Variants in DOCK2 observed in about 807,000 individuals in gnomAD.
DOCK2 encodes the protein dedicator of cytokinesis protein 2.
In DOCK2, 87 loss-of-function variants were observed where a neutral mutation model predicts 248.9. The ratio of observed to expected loss-of-function variants is 0.35; its 90% confidence interval spans 0.29 to 0.42. The LOEUF (loss-of-function observed/expected upper bound fraction) is 0.42. Among genes scored for constraint, DOCK2 ranks in the 10% least tolerant of loss-of-function variants. DOCK2 has a pLI of 1.00. For synonymous variants in DOCK2, 805 were observed against 821.6 expected, an observed-to-expected ratio of 0.98 and a Z score of 0.35; for missense variants, 1,747 against 2,300.2, an observed-to-expected ratio of 0.76 and a Z score of 4.92.
chr5:169,833,779 G>C (rs369127316), intron 26 of DOCK2, among the ~76,000 whole-genome samples: 8 of 152,312 alleles, frequency 5.3e-5, no homozygotes, highest in Admixed American at 1.3e-4. Context: ...ATCTCCTAGC[G>C]CACTGGTGGC....
chr5:169,789,717 G>A (rs532560546), intron 25 of DOCK2, among the ~76,000 whole-genome samples: 56 of 152,256 alleles, frequency 3.7e-4, no homozygotes, highest in Admixed American at 7.2e-4. Flanking sequence ...TTTAGGGAAG[G>A]GCTCCCCTTG....
intron 27 of DOCK2, among the ~76,000 whole-genome samples, chr5:169,845,330 C>A (rs1363572843): frequency 1.3e-5 from 2 of 151,982 alleles, no homozygotes; most frequent in African/African-American, 4.8e-5. Flanking sequence ...CCTGTGCATA[C>A]TTAGGTCACT....
intron 27 of DOCK2, among the ~76,000 whole-genome samples, chr5:169,932,587 A>G (rs1459027941): frequency 6.6e-6 from 1 of 152,152 alleles, no homozygotes; most frequent in Non-Finnish European, 1.5e-5. Context: ...GACGCTTGAC[A>G]CTGACCACAA....
intron 27 of DOCK2, among the ~76,000 whole-genome samples, chr5:169,905,457 GGT>G (rs1367299591): frequency 4.6e-5 from 7 of 152,318 alleles, no homozygotes; most frequent in Middle Eastern, 3.4e-3. Context: ...TGCAAGAAGT[GGT>G]TTAAAATTGG....
intron 33 of DOCK2, among the ~76,000 whole-genome samples, chr5:170,021,606 C>T (rs1283768369): frequency 1.3e-5 from 2 of 152,104 alleles, no homozygotes; most frequent in African/African-American, 4.8e-5. Flanking sequence ...AGAGTCATTC[C>T]TTGGGCTCCT....
chr5:169,844,277 G>C (rs181924597), intron 27 of DOCK2, among the ~76,000 whole-genome samples: 1 of 152,204 alleles, frequency 6.6e-6, no homozygotes, highest in African/African-American at 2.4e-5. Context: ...ACTTACATAC[G>C]AAGTACTCCT....
intron 32 of DOCK2, among the ~76,000 whole-genome samples, chr5:170,017,787 G>T (rs948702045): frequency 2.6e-5 from 4 of 152,188 alleles, no homozygotes; most frequent in African/African-American, 9.7e-5. Context: ...AGGCCGTCTG[G>T]CTCCAGAGTT....
At chr5:169,798,943 T>C (rs2113108228) in intron 25 of DOCK2, among the ~76,000 whole-genome samples, 1 of 152,342 alleles carries the variant, frequency 6.6e-6, no homozygotes, top group African/African-American at 2.4e-5. Flanking sequence ...TAAAACATTG[T>C]CATCTTGTAC....
At chr5:169,838,241 T>G (rs1769713652) in intron 26 of DOCK2, among the ~76,000 whole-genome samples, 1 of 152,142 alleles carries the variant, frequency 6.6e-6, no homozygotes, top group Non-Finnish European at 1.5e-5. Context: ...CGTGTTCCAG[T>G]CTGCATGGGT....
chr5:169,948,296 T>TA (rs11409572), intron 27 of DOCK2, among the ~76,000 whole-genome samples: 46,860 of 151,936 alleles, frequency 0.31, 7,812 homozygotes, highest in African/African-American at 0.44. Flanking sequence ...GAACGTTTTT[T>TA]AAAAAAAGGT....
Position 169,637,281 on chromosome 5 carries a change from C to T in DOCK2, c.-46C>T, listed in dbSNP as rs1374878267. 6.3e-6 allele frequency: 9 copies of T among 1,433,936 alleles called. No homozygotes were observed. The highest frequency in any genetic ancestry group is 8.2e-6 in the Non-Finnish European group (9 of 1,097,126). The allele number at this position is 1,433,936 out of a possible 1,614,324, so 88.8% of individuals were successfully genotyped here. ...GTGGGGCCCTGCGGCGCCCAGCCAC[C>T]CCCTGACGGCTTCCCCACGGGAGGA... On this transcript the variant is annotated 5_prime_UTR_variant, in exon 1 of 52. Coordinates refer to ENST00000520908, the MANE Select transcript of DOCK2 (RefSeq NM_004946.3).
chr5:169,883,168 C>G, intron 27 of DOCK2: 1 of 1,551,566 alleles, frequency 6.4e-7, no homozygotes, highest in Non-Finnish European at 8.7e-7. Context: ...CACCCTTCTC[C>G]CATCACCTGG....
chr5:169,750,449 A>G (rs916838400), intron 23 of DOCK2, among the ~76,000 whole-genome samples: 5 of 152,226 alleles, frequency 3.3e-5, no homozygotes, highest in African/African-American at 1.2e-4. Flanking sequence ...CAGTTTCCTC[A>G]TCTATAAGAT....
At chr5:170,049,381 G>A (rs1448124089) in intron 40 of DOCK2, among the ~76,000 whole-genome samples, 1 of 152,214 alleles carries the variant, frequency 6.6e-6, no homozygotes. Context: ...CCAAAGTGCT[G>A]GGATTACAGG....
At chr5:169,715,207 C>T (rs1335921687) in intron 19 of DOCK2, among the ~76,000 whole-genome samples, 3 of 152,152 alleles carry the variant, frequency 2.0e-5, no homozygotes, top group African/African-American at 7.2e-5. Context: ...AAGTGCAAAT[C>T]TAATTAAAGC....
chr5:169,728,326 G>C (rs904051712), intron 22 of DOCK2, among the ~76,000 whole-genome samples: 4 of 152,138 alleles, frequency 2.6e-5, no homozygotes, highest in African/African-American at 4.8e-5. Context: ...ACACAGTTTT[G>C]GTTGAAATTG....
intron 34 of DOCK2, among the ~76,000 whole-genome samples, chr5:170,032,905 C>T (rs565408077): frequency 5.9e-5 from 9 of 152,158 alleles, no homozygotes; most frequent in East Asian, 3.9e-4. Flanking sequence ...ATACAAATCA[C>T]GTGGCCTGCA....
At chr5:169,701,328 T>C (rs114929586) in intron 13 of DOCK2, among the ~76,000 whole-genome samples, 1 of 152,238 alleles carries the variant, frequency 6.6e-6, no homozygotes, top group African/African-American at 2.4e-5. Context: ...AACTTCTCTT[T>C]GTGTCTTAAA....
At position 169,869,697 on chromosome 5, in the gene DOCK2, C is replaced by G. The variant is rs144663340; in HGVS notation, c.2799+28845C>G. 9.4e-3 allele frequency among the ~76,000 whole-genome samples: 1,430 copies of G among 152,252 alleles called. 21 individuals carry two copies. Among genetic ancestry groups the G allele is most frequent in the African/African-American group, 0.033 (1,355 of 41,550 alleles). Reference sequence around the variant, plus strand: ...ACCCCTTGCAAAAAGGAGTAAGTTGCCAACTTGGTGAAAATTGAAGTTAAT... The same window carrying G: ...ACCCCTTGCAAAAAGGAGTAAGTTGGCAACTTGGTGAAAATTGAAGTTAAT... On this transcript the variant is annotated intron_variant, in intron 27 of 51. Transcript: ENST00000520908.
Sources: gnomAD v4.1 joint callset for allele counts (sites outside exome capture counted in the v4.1 genomes callset) on GRCh38, gnomAD v4.1.1 for gene constraint, MANE v1.5 for transcripts, NCBI Gene and HGNC (gene_info 2026-07-23, HGNC 2026-07-21) for gene names.